The following BLK variants were observed in gnomAD, a reference collection of about 807,000 sequenced individuals.
The protein encoded by BLK is BLK proto-oncogene, Src family tyrosine kinase, also known as tyrosine-protein kinase Blk.
BLK carries 64 observed loss-of-function variants against 61.8 expected under a neutral mutation model. The ratio of observed to expected loss-of-function variants is 1.03; its 90% CI spans 0.85 to 1.27. The LOEUF (loss-of-function observed/expected upper bound fraction) is 1.27. BLK is among the 50% of genes most tolerant of loss of function. BLK has a pLI of 0.00. For synonymous variants in BLK, 351 were observed against 272.0 expected, an observed-to-expected ratio of 1.29 and a Z score of -2.86; for missense variants, 853 against 660.5, an observed-to-expected ratio of 1.29 and a Z score of -3.19.
chr8:11,514,565 C>T (rs1258909857), intron 1 of BLK, among the ~76,000 whole-genome samples: 2 of 152,206 alleles, frequency 1.3e-5, no homozygotes, highest in Non-Finnish European at 1.5e-5. Flanking sequence ...ACAAGTGACA[C>T]AGTGCAGAGA....
chr8:11,556,528 G>A, intron 8 of BLK, 130 bp from the exon 9 acceptor site: 1 of 1,126,846 alleles, frequency 8.9e-7, no homozygotes, highest in Admixed American at 1.9e-5. Flanking sequence ...ATGGCCTCCG[G>A]AACTGCATGT....
chr8:11,515,589 C>A (rs1219436803), intron 1 of BLK, among the ~76,000 whole-genome samples: 1 of 152,164 alleles, frequency 6.6e-6, no homozygotes, highest in African/African-American at 2.4e-5. Flanking sequence ...CCTCTATTTC[C>A]CCCTTCCTTC....
At chr8:11,515,555 C>T (rs1218570782) in intron 1 of BLK, among the ~76,000 whole-genome samples, 1 of 152,212 alleles carries the variant, frequency 6.6e-6, no homozygotes, top group Non-Finnish European at 1.5e-5. Context: ...TCTTCCTTTG[C>T]TGCAGCCCTC....
At chr8:11,508,251 C>T (rs1798860516) in intron 1 of BLK, among the ~76,000 whole-genome samples, 1 of 152,258 alleles carries the variant, frequency 6.6e-6, no homozygotes, top group African/African-American at 2.4e-5. Flanking sequence ...AGGCTAAGCA[C>T]ATGCTGGGAA....
chr8:11,510,635 C>T (rs189974130), intron 1 of BLK, among the ~76,000 whole-genome samples: 20 of 152,230 alleles, frequency 1.3e-4, no homozygotes, highest in African/African-American at 3.1e-4. Context: ...CTCTTTCCCC[C>T]TTTCTGGGAA....
chr8:11,495,939 A>T (rs1798345276), intron 1 of BLK, among the ~76,000 whole-genome samples: 1 of 152,184 alleles, frequency 6.6e-6, no homozygotes, highest in Non-Finnish European at 1.5e-5. Context: ...TCCAAATCTA[A>T]AATTACTGCA....
chr8:11,528,648 G>A (rs980478533), intron 1 of BLK, among the ~76,000 whole-genome samples: 3 of 152,226 alleles, frequency 2.0e-5, no homozygotes, highest in African/African-American at 7.2e-5. Context: ...GAGTGGAAGT[G>A]TCTTGCAGTT....
chr8:11,551,087 C>T lies in BLK; in HGVS notation c.472+825C>T, dbSNP rs1002254194. Among the ~76,000 whole-genome samples, 26 of 152,098 alleles carry T rather than the reference C, an allele frequency of 1.7e-4. 1 individual carries two copies. Among genetic ancestry groups the T allele is most frequent in the Admixed American group, 1.0e-3 (16 of 15,272 alleles). The stretch of plus-strand genomic sequence containing the variant: ...CCTTCCTTGCTCTTCTCTGTGGTTT[C>T]GCCACCATGTCTTGTCTGTTTTTTC... On this transcript the variant is annotated intron_variant, in intron 6 of 12. Coordinates refer to ENST00000259089, the MANE Select transcript of BLK (RefSeq NM_001715.3).
At chr8:11,554,195 A>C (rs187692428) in intron 6 of BLK, 9 of 163,460 alleles carry the variant, frequency 5.5e-5, no homozygotes, top group Admixed American at 5.1e-4. Flanking sequence ...CCTGCGGGAA[A>C]ACATTAACCT....
intron 1 of BLK, among the ~76,000 whole-genome samples, chr8:11,534,100 G>C (rs1449622116): frequency 6.6e-6 from 1 of 152,220 alleles, no homozygotes; most frequent in East Asian, 1.9e-4. Flanking sequence ...CACTGCTGGG[G>C]CTGGGGTTGG....
At chr8:11,505,263 A>G (rs930957784) in intron 1 of BLK, among the ~76,000 whole-genome samples, 10 of 152,222 alleles carry the variant, frequency 6.6e-5, no homozygotes, top group African/African-American at 2.4e-5. Flanking sequence ...CTTGAGTATC[A>G]TCCTTCACAA....
intron 6 of BLK, among the ~76,000 whole-genome samples, chr8:11,551,131 T>A (rs1415982872): frequency 6.6e-6 from 1 of 152,148 alleles, no homozygotes; most frequent in Non-Finnish European, 1.5e-5. Flanking sequence ...GTAGATAGAA[T>A]CACTGTTTTT....
chr8:11,559,103 C>T (rs1041517308), intron 10 of BLK: 11 of 430,564 alleles, frequency 2.6e-5, no homozygotes, highest in African/African-American at 1.8e-4. Flanking sequence ...GTCTCCTATT[C>T]AATCCCCACT....
rs752583631 is a variant in BLK at position 11,562,855 on chromosome 8, C to G, written c.1181-124C>G. On this transcript the variant is annotated intron_variant, in intron 11 of 12. Coordinates refer to ENST00000259089, the MANE Select transcript of BLK (RefSeq NM_001715.3). ...GGCTCCCCCGCCATGCCTGGCCGCC[C>G]CGCCCTGTGAGGCCCCGCAGTGGGG... The G allele has an allele frequency of 1.1e-5, 16 of 1,403,050 alleles. No individual in the cohort carries two copies. In the Admixed American group the frequency reaches 2.4e-4, roughly 21 times the overall value. 86.9% of individuals were successfully genotyped at this position (1,403,050 alleles called of 1,614,324 possible).
intron 1 of BLK, among the ~76,000 whole-genome samples, chr8:11,525,396 G>T (rs765048026): frequency 6.6e-6 from 1 of 152,028 alleles, no homozygotes. Context: ...AAATGTCCAG[G>T]TATTTTCTTT....
intron 8 of BLK, chr8:11,555,798 C>T (rs1201363345): frequency 2.1e-5 from 9 of 429,128 alleles, no homozygotes; most frequent in African/African-American, 1.4e-4. Context: ...GTTAACTCCC[C>T]TTAGCTTTTC....
At position 11,548,103 on chromosome 8, in the gene BLK, G is replaced by C; in HGVS notation, c.247G>C (p.Glu83Gln). The change falls in exon 4 of 13, where the codon GAG becomes CAG. Residue 83 changes from glutamate (E) to glutamine (Q), a missense_variant. Coordinates refer to ENST00000259089, the MANE Select transcript of BLK (RefSeq NM_001715.3). ...NDRDLQMLKGEKLQVLKGTGD... is the reference protein window; with the variant it reads ...NDRDLQMLKGQKLQVLKGTGD... ...TCGGGACCTGCAGATGCTGAAGGGG[G>C]AGAAGCTACAGGTCCTGAAGGGGTG... 1 of 1,613,690 alleles carries C rather than the reference G, an allele frequency of 6.2e-7. No individual in the cohort carries two copies. Among genetic ancestry groups the C allele is most frequent in the Non-Finnish European group, 8.5e-7 (1 of 1,179,992 alleles).
intron 1 of BLK, among the ~76,000 whole-genome samples, chr8:11,500,627 C>T (rs137964793): frequency 7.4e-4 from 112 of 151,960 alleles, no homozygotes; most frequent in African/African-American, 2.5e-3. Flanking sequence ...GCAATCCTCC[C>T]ACCTCAGCCT....
chr8:11,528,005 G>T (rs1273135811), intron 1 of BLK, among the ~76,000 whole-genome samples: 1 of 152,266 alleles, frequency 6.6e-6, no homozygotes, highest in African/African-American at 2.4e-5. Flanking sequence ...CCCTGAGCAA[G>T]GAGGGGGTTA....
Sources: allele counts gnomAD v4.1 joint callset (sites outside exome capture counted in the v4.1 genomes callset), GRCh38; gene constraint gnomAD v4.1.1; transcripts MANE v1.5; gene names NCBI Gene and HGNC (gene_info 2026-07-23, HGNC 2026-07-21).